Variants in RYR2 observed in about 807,000 individuals in gnomAD.
RYR2 encodes the protein ryanodine receptor 2.
Under a neutral mutation model 601.1 loss-of-function variants are expected in RYR2, and 227 were observed. The ratio of observed to expected loss-of-function variants is 0.38; its 90% CI spans 0.34 to 0.42. The LOEUF is 0.42. Among genes scored for constraint, RYR2 ranks in the 10% least tolerant of loss-of-function variants. The probability of loss-of-function intolerance (pLI) is 1.00; values close to 1 mark genes in which losing one functional copy is unlikely to be tolerated. For synonymous variants in RYR2, 2,223 were observed against 2,175.1 expected, an observed-to-expected ratio of 1.02 and a Z score of -0.61; for missense variants, 4,646 against 6,156.5, an observed-to-expected ratio of 0.75 and a Z score of 8.21.
intron 61 of RYR2, among the ~76,000 whole-genome samples, chr1:237,679,652 C>A (rs1012549872): frequency 6.6e-6 from 1 of 152,110 alleles, no homozygotes; most frequent in African/African-American, 2.4e-5. Flanking sequence ...AACTCATAGG[C>A]TCCTGGAAAG....
intron 16 of RYR2, among the ~76,000 whole-genome samples, chr1:237,460,982 A>G (rs1162687883): frequency 6.6e-6 from 1 of 152,056 alleles, no homozygotes; most frequent in Non-Finnish European, 1.5e-5. Flanking sequence ...CTTCATTCTT[A>G]TTATTGTTGT....
At chr1:237,823,169 G>A (rs1011926654) in intron 101 of RYR2, among the ~76,000 whole-genome samples, 2 of 152,064 alleles carry the variant, frequency 1.3e-5, no homozygotes, top group Admixed American at 6.6e-5. Context: ...CTCAGCTCTG[G>A]ACCAAGCAGA....
chr1:237,406,559 C>A (rs1703927394), intron 10 of RYR2, among the ~76,000 whole-genome samples: 1 of 151,780 alleles, frequency 6.6e-6, no homozygotes. Flanking sequence ...AGAGAATAAT[C>A]CAAGTTTATT....
chr1:237,094,643 C>T (rs1488583267), intron 1 of RYR2, among the ~76,000 whole-genome samples: 2 of 152,126 alleles, frequency 1.3e-5, no homozygotes, highest in African/African-American at 2.4e-5. Flanking sequence ...GGTGCGATCT[C>T]GGCCCACTGC....
intron 75 of RYR2, 105 bp from the exon 76 acceptor site, chr1:237,726,982 A>G: frequency 1.6e-6 from 1 of 640,836 alleles, no homozygotes; most frequent in Non-Finnish European, 2.9e-6. Flanking sequence ...TAAGAGGGGC[A>G]ACTGTTTAAT....
In RYR2 at chr1:237,784,386, G is replaced by A. The variant is rs1223110750; in HGVS notation, c.12674G>A (p.Arg4225Lys). 7 of 1,613,932 alleles carry A rather than the reference G, an allele frequency of 4.3e-6. No homozygotes were observed. The African/African-American group carries it at 5.3e-5, about 12-fold the overall frequency. Residue 4225 changes from arginine to lysine, a missense_variant, in exon 90 of 105, where the codon AGG becomes AAG. Transcript: ENST00000366574. This position sits in a 1 kb window ranked among gnomAD's most constrained non-coding sequence, Gnocchi z 7.1. ...AATAAGGAAGAAAGCGAGAAGGAGA[G>A]GCCGGAAGAGCAGGGGCCGAGGATG... ...SANKEESEKE[R>K]PEEQGPRMAF...
chr1:237,807,182 A>G (rs1660723388), intron 99 of RYR2, among the ~76,000 whole-genome samples: 1 of 152,174 alleles, frequency 6.6e-6, no homozygotes, highest in Admixed American at 6.5e-5. Flanking sequence ...TCATGGGTCT[A>G]GCGACAAAAA....
chr1:237,318,373 CTT>C (rs1188766819), intron 2 of RYR2, among the ~76,000 whole-genome samples: 1 of 152,016 alleles, frequency 6.6e-6, no homozygotes, highest in African/African-American at 2.4e-5. Flanking sequence ...ATTCTTATCT[CTT>C]TTAAAGACGT....
At chr1:237,473,474 T>TTTCTTTCTTTC (rs1553464743) in intron 17 of RYR2, among the ~76,000 whole-genome samples, 8 of 150,512 alleles carry the variant, frequency 5.3e-5, no homozygotes, top group South Asian at 2.1e-4. Context: ...TCTATCTATC[T>TTTCTTTCTTTC]ATCTGGCATA....
chr1:237,484,470 C>G (rs1412143401), intron 17 of RYR2, among the ~76,000 whole-genome samples: 1 of 152,166 alleles, frequency 6.6e-6, no homozygotes, highest in Admixed American at 6.5e-5. Flanking sequence ...ACGTTGGCCT[C>G]CTGTGCCTGT....
intron 17 of RYR2, among the ~76,000 whole-genome samples, chr1:237,473,721 C>T (rs975175622): frequency 4.6e-5 from 7 of 152,036 alleles, no homozygotes; most frequent in Admixed American, 2.0e-4. Context: ...TTCCTCAGTG[C>T]CCCCTGCCTG....
At chr1:237,164,147 C>T (rs144628565) in intron 1 of RYR2, among the ~76,000 whole-genome samples, 2,791 of 152,212 alleles carry the variant, frequency 0.018, 60 homozygotes, top group East Asian at 0.084. Context: ...ATTAGATGGG[C>T]GTGGTGGCCT....
chr1:237,585,901 G>T (rs1674469184), intron 29 of RYR2, among the ~76,000 whole-genome samples: 1 of 151,996 alleles, frequency 6.6e-6, no homozygotes, highest in African/African-American at 2.4e-5. Flanking sequence ...TATTGCTTTT[G>T]AATATTTGGA....
intron 17 of RYR2, among the ~76,000 whole-genome samples, chr1:237,486,582 C>G (rs1419968452): frequency 6.6e-6 from 1 of 152,138 alleles, no homozygotes; most frequent in African/African-American, 2.4e-5. Context: ...AGAGGAAAGG[C>G]AGCTAATGTT....
chr1:237,781,310 AAAG>A (rs1207318545), intron 88 of RYR2, among the ~76,000 whole-genome samples: 1 of 152,126 alleles, frequency 6.6e-6, no homozygotes, highest in Non-Finnish European at 1.5e-5. Flanking sequence ...TCGGCCTCCC[AAAG>A]AAGTGCTAGG....
At chr1:237,687,393 C>T (rs1686513084) in intron 62 of RYR2, 62 bp from the exon 63 acceptor site, 15 of 600,506 alleles carry the variant, frequency 2.5e-5, no homozygotes, top group East Asian at 6.8e-5. Context: ...TTAATTTCCC[C>T]CTGTCTTTTC....
intron 3 of RYR2, among the ~76,000 whole-genome samples, chr1:237,351,609 G>A (rs1698846703): frequency 6.6e-6 from 1 of 151,826 alleles, no homozygotes; most frequent in African/African-American, 2.4e-5. Context: ...TAGTGTTAGC[G>A]AAATACAGTT....
Position 237,627,875 on chromosome 1 carries a change from G to A in RYR2, c.6235G>A (p.Glu2079Lys), listed in dbSNP as rs769596818. 10 of 1,613,594 alleles carry A rather than the reference G, an allele frequency of 6.2e-6. No homozygotes were observed. Among genetic ancestry groups the A allele is most frequent in the Admixed American group, 1.7e-5 (1 of 59,978 alleles). ...WAQESVIEDPELVRAMFVLLH... is the reference protein window; with the variant it reads ...WAQESVIEDPKLVRAMFVLLH... ...TCAGGAGTCTGTCATTGAAGACCCC[G>A]AGCTGGTGAGGGCCATGTTTGTGTT... Residue 2079 changes from glutamate (E) to lysine (K), a missense_variant, in exon 41 of 105, where the codon GAG becomes AAG. This residue lies in a region of RYR2 where 170 missense variants were observed against 184.5 expected (regional missense o/e 0.92). Coordinates refer to ENST00000366574, the MANE Select transcript of RYR2 (RefSeq NM_001035.3).
At chr1:237,389,302 T>C (rs1702187510) in intron 10 of RYR2, among the ~76,000 whole-genome samples, 1 of 151,542 alleles carries the variant, frequency 6.6e-6, no homozygotes, top group South Asian at 2.1e-4. Context: ...TATTCCAGAG[T>C]GATTAGGGGG....
Sources: allele counts gnomAD v4.1 joint callset (sites outside exome capture counted in the v4.1 genomes callset), GRCh38; gene constraint gnomAD v4.1.1; regional missense constraint gnomAD v4.1.1; non-coding constraint Gnocchi (gnomAD v3.1); transcripts MANE v1.5; gene names NCBI Gene and HGNC (gene_info 2026-07-23, HGNC 2026-07-21).